SRP19: variants seen among roughly 807,000 people sequenced by gnomAD.
SRP19 encodes the protein signal recognition particle 19.
In SRP19, 11 loss-of-function variants were observed where a neutral mutation model predicts 22.4. The ratio of observed to expected loss-of-function variants is 0.49; its 90% CI spans 0.31 to 0.81. The LOEUF (loss-of-function observed/expected upper bound fraction) is 0.81. Ranked by LOEUF, SRP19 falls within the 40% of genes least tolerant of loss-of-function variation. The probability of loss-of-function intolerance (pLI) is 0.05; values close to 1 mark genes in which losing one functional copy is unlikely to be tolerated. For synonymous variants in SRP19, 61 were observed against 57.6 expected (o/e 1.06, Z -0.27); for missense variants, 168 against 175.9 (o/e 0.96, Z 0.25).
intron 4 of SRP19, among the ~76,000 whole-genome samples, chr5:112,879,079 C>A (rs1767985366): frequency 6.6e-6 from 1 of 152,090 alleles, no homozygotes; most frequent in African/African-American, 2.4e-5. Context: ...AGCCTAGCCC[C>A]TTGTTGTGAC....
intron 4 of SRP19, chr5:112,885,205 C>T: frequency 5.9e-6 from 1 of 170,118 alleles, no homozygotes. Context: ...ATGGTGAGTG[C>T]TGTGGGGGTG....
chr5:112,883,444 G>A lies in SRP19; in HGVS notation c.302-8159G>A, dbSNP rs115963951. Among the ~76,000 whole-genome samples the A allele has an allele frequency of 4.0e-3, 614 of 152,182 alleles. 4 individuals are homozygous for A. Among genetic ancestry groups the A allele is most frequent in the African/African-American group, 0.014 (578 of 41,508 alleles). On this transcript the variant is annotated intron_variant, in intron 4 of 4. Transcript: ENST00000391338. ...AAAAACTTTCTGTTCTTGGCCCCAG[G>A]GATACCACACGCTCATGGTTTTCTT... is the stretch of plus-strand genomic sequence containing the variant.
intron 4 of SRP19, among the ~76,000 whole-genome samples, chr5:112,884,821 TATATGGTAAATA>T (rs1768191902): frequency 6.6e-6 from 1 of 151,776 alleles, no homozygotes; most frequent in African/African-American, 2.4e-5. Context: ...TTCCCTATAT[TATATGGTAAATA>T]TACTATCTAA....
At chr5:112,876,552 T>A (rs1425306098) in intron 4 of SRP19, 1 of 152,198 alleles carries the variant, frequency 6.6e-6, no homozygotes, top group African/African-American at 2.4e-5. Context: ...AGCCTTCAGG[T>A]AAGGGAATAA....
chr5:112,874,273 G>T (rs1335580758), downstream of SRP19, among the ~76,000 whole-genome samples: 1 of 152,138 alleles, frequency 6.6e-6, no homozygotes. Context: ...AAGCCCAGGA[G>T]TTTGAGACCA....
intron 4 of SRP19, among the ~76,000 whole-genome samples, chr5:112,886,408 T>A (rs1183165322): frequency 6.6e-6 from 1 of 152,228 alleles, no homozygotes; most frequent in Non-Finnish European, 1.5e-5. Flanking sequence ...AGAGTAGACA[T>A]GGAATTCATG....
At chr5:112,865,754 C>T (rs1767581762) in intron 4 of SRP19, among the ~76,000 whole-genome samples, 1 of 152,142 alleles carries the variant, frequency 6.6e-6, no homozygotes. Flanking sequence ...CCATCACACC[C>T]AGCTAACTTT....
At chr5:112,884,659 T>G (rs1254553449) in intron 4 of SRP19, among the ~76,000 whole-genome samples, 3 of 152,082 alleles carry the variant, frequency 2.0e-5, no homozygotes, top group Admixed American at 2.0e-4. Flanking sequence ...ATGTTGGGAT[T>G]ACAGGCTGAG....
At chr5:112,881,388 C>A (rs1162060763) in intron 4 of SRP19, among the ~76,000 whole-genome samples, 1 of 152,142 alleles carries the variant, frequency 6.6e-6, no homozygotes, top group Admixed American at 6.5e-5. Flanking sequence ...TACCACAGAG[C>A]TCTAAAACAC....
At position 112,886,875 on chromosome 5, in the gene SRP19, C is replaced by G. The variant is rs1444888374; in HGVS notation, c.302-4728C>G. ...TGTAAGTGTTCTCAATAGGCAAAGA[C>G]TTTGTAAAGAAATCCCAGAGTAATG... On this transcript the variant is annotated intron_variant, in intron 4 of 4. Transcript: ENST00000391338. The G allele has an allele frequency of 6.5e-5, 38 of 584,414 alleles. 3 individuals are homozygous for G. The Admixed American group carries it at 9.2e-4, about 14-fold the overall frequency. 36.2% of individuals were successfully genotyped at this position (584,414 alleles called of 1,614,324 possible).
intron 1 of SRP19, 108 bp downstream of exon 1, chr5:112,861,525 C>A: frequency 1.6e-6 from 2 of 1,222,288 alleles, no homozygotes; most frequent in East Asian, 2.4e-5. Flanking sequence ...CCTAGCTGAT[C>A]CAACTCGCTC....
chr5:112,864,811 A>T (rs1430525476), intron 4 of SRP19, 79 bp downstream of exon 4: 1 of 1,129,404 alleles, frequency 8.9e-7, no homozygotes, highest in East Asian at 2.4e-5. Context: ...TAAAACTGAA[A>T]GGTAAAAGTC....
downstream of SRP19, among the ~76,000 whole-genome samples, chr5:112,872,385 GTGGCACAA>G: frequency 6.9e-6 from 1 of 145,900 alleles, no homozygotes; most frequent in East Asian, 2.0e-4. Flanking sequence ...CTGGAGTGCA[GTGGCACAA>G]TCTCAGCCCA....
chr5:112,887,592 T>A (rs1768299104), intron 4 of SRP19, among the ~76,000 whole-genome samples: 1 of 152,202 alleles, frequency 6.6e-6, no homozygotes, highest in South Asian at 2.1e-4. Context: ...CTTGGTAGGC[T>A]TATCTTGGTA....
At chr5:112,885,696 TTC>T in intron 4 of SRP19, 2 of 310,404 alleles carry the variant, frequency 6.4e-6, no homozygotes, top group South Asian at 7.7e-5. Flanking sequence ...CAGCCTCCCT[TTC>T]TCTGTCAGTG....
intron 1 of SRP19, among the ~76,000 whole-genome samples, chr5:112,862,110 G>A (rs1189621943): frequency 6.6e-6 from 1 of 152,218 alleles, no homozygotes; most frequent in Non-Finnish European, 1.5e-5. Context: ...AACACACAAA[G>A]CAAGGCAGCG....
chr5:112,880,673 A>G (rs1768044661), intron 4 of SRP19, among the ~76,000 whole-genome samples: 1 of 152,210 alleles, frequency 6.6e-6, no homozygotes, highest in African/African-American at 2.4e-5. Context: ...TCTTGCCCCT[A>G]TTTAGGAATG....
At chr5:112,897,701 T>C (rs981935530), downstream of SRP19, 3 of 152,290 alleles carry the variant, frequency 2.0e-5, 1 homozygote, top group African/African-American at 4.8e-5. Context: ...TCCAATCTTA[T>C]CAGCTGCTTT....
chr5:112,889,817 A>AG (rs900742019), intron 4 of SRP19, among the ~76,000 whole-genome samples: 3 of 134,346 alleles, frequency 2.2e-5, no homozygotes, highest in African/African-American at 3.3e-5. Context: ...CCACATCTCT[A>AG]GGAAAAAAAA....
Sources: gnomAD v4.1 joint callset for allele counts (sites outside exome capture counted in the v4.1 genomes callset) on GRCh38, gnomAD v4.1.1 for gene constraint, MANE v1.5 for transcripts, NCBI Gene and HGNC (gene_info 2026-07-23, HGNC 2026-07-21) for gene names.